The following SLC8A1 variants were observed in gnomAD, a reference collection of about 807,000 sequenced individuals.
The protein encoded by SLC8A1 is solute carrier family 8 member A1, also known as sodium/calcium exchanger 1.
SLC8A1 carries 18 observed loss-of-function variants against 68.3 expected under a neutral mutation model. The observed-to-expected ratio is 0.26, with a 90% CI of 0.18 to 0.39. The LOEUF (loss-of-function observed/expected upper bound fraction) is 0.39, where lower values mean the gene tolerates loss of function less well. Ranked by LOEUF, SLC8A1 falls within the 10% of genes least tolerant of loss-of-function variation. The pLI, the probability that SLC8A1 is intolerant of heterozygous loss-of-function variation, is 1.00. For missense variants in SLC8A1, 985 were observed against 1,156.7 expected, an observed-to-expected ratio of 0.85 and a Z score of 2.15; for synonymous variants, 475 against 415.5, an observed-to-expected ratio of 1.14 and a Z score of -1.74.
At chr2:40,138,565 G>A (rs1483954962) in intron 7 of SLC8A1, among the ~76,000 whole-genome samples, 3 of 152,138 alleles carry the variant, frequency 2.0e-5, no homozygotes, top group African/African-American at 4.8e-5. Context: ...GTTACAATAA[G>A]CTCTGGTGTG....
intron 1 of SLC8A1, among the ~76,000 whole-genome samples, chr2:40,440,730 T>C (rs1414587860): frequency 3.3e-5 from 5 of 152,084 alleles, no homozygotes; most frequent in African/African-American, 1.2e-4. Flanking sequence ...AAATTCAACA[T>C]CGCTTCATGT....
chr2:40,466,119 T>C (rs1703655689), intron 1 of SLC8A1, among the ~76,000 whole-genome samples: 1 of 152,126 alleles, frequency 6.6e-6, no homozygotes, highest in Admixed American at 6.5e-5. Context: ...TATTTTTTCA[T>C]AACAGCACAA....
chr2:40,398,859 C>G (rs2149641411), intron 2 of SLC8A1, among the ~76,000 whole-genome samples: 1 of 152,252 alleles, frequency 6.6e-6, no homozygotes, highest in East Asian at 1.9e-4. Context: ...GACACACTTC[C>G]CTTGGCCTAG....
In SLC8A1 at chr2:40,295,688, C is replaced by T. The variant is rs574813372; in HGVS notation, c.1809-117833G>A. ...ACACCTGTGAATCATGAAGTATTGA[C>T]GCTGGATTTTATTAACTCCTATATA... On this transcript the variant is annotated intron_variant, in intron 2 of 7. Transcript: ENST00000406785. Among the ~76,000 whole-genome samples the T allele has an allele frequency of 1.7e-3, 258 of 152,196 alleles. 2 individuals are homozygous for T. The highest frequency in any genetic ancestry group is 3.5e-3 in the Admixed American group (53 of 15,272).
At chr2:40,343,860 G>T (rs1668446816) in intron 2 of SLC8A1, among the ~76,000 whole-genome samples, 1 of 152,178 alleles carries the variant, frequency 6.6e-6, no homozygotes, top group African/African-American at 2.4e-5. Context: ...GATTGGATGA[G>T]TCTTACAAAT....
intron 6 of SLC8A1, among the ~76,000 whole-genome samples, chr2:40,150,445 T>A (rs915032497): frequency 5.9e-5 from 9 of 152,304 alleles, no homozygotes; most frequent in African/African-American, 2.2e-4. Flanking sequence ...GAAAACAGCA[T>A]ACAAAGGCTC....
At chr2:40,502,934 A>G (rs1225499386) in intron 1 of SLC8A1, among the ~76,000 whole-genome samples, 1 of 151,960 alleles carries the variant, frequency 6.6e-6, no homozygotes, top group Non-Finnish European at 1.5e-5. Context: ...TAAAAGCTCG[A>G]GCAATAGCAA....
intron 2 of SLC8A1, among the ~76,000 whole-genome samples, chr2:40,369,312 G>A (rs1042506343): frequency 3.3e-5 from 5 of 151,966 alleles, no homozygotes; most frequent in Admixed American, 2.0e-4. Context: ...CTTTCACCTC[G>A]TCATCATCTG....
intron 7 of SLC8A1, among the ~76,000 whole-genome samples, chr2:40,135,493 G>A (rs940404232): frequency 6.6e-6 from 1 of 151,948 alleles, no homozygotes; most frequent in Non-Finnish European, 1.5e-5. Flanking sequence ...GGTGGCAGGG[G>A]GATCACCTAA....
intron 2 of SLC8A1, chr2:40,251,591 C>G (rs2062758465): frequency 6.6e-6 from 1 of 152,090 alleles, no homozygotes; most frequent in African/African-American, 2.4e-5. Flanking sequence ...ATTAATAATA[C>G]TTTAACCCTT....
chr2:40,315,082 A>G (rs895118333), intron 2 of SLC8A1, among the ~76,000 whole-genome samples: 1 of 152,034 alleles, frequency 6.6e-6, no homozygotes, highest in Admixed American at 6.6e-5. Context: ...TTAGGAGAGA[A>G]GCATTCAGTC....
chr2:40,213,846 T>A (rs2057022415), intron 2 of SLC8A1, among the ~76,000 whole-genome samples: 1 of 152,204 alleles, frequency 6.6e-6, no homozygotes, highest in Non-Finnish European at 1.5e-5. Flanking sequence ...TCATCAAGCT[T>A]GCTTTGGGTG....
intron 1 of SLC8A1, among the ~76,000 whole-genome samples, chr2:40,435,916 T>C (rs1164329808): frequency 2.0e-5 from 3 of 151,524 alleles, no homozygotes; most frequent in South Asian, 2.1e-4. Context: ...GCTGGGATTA[T>C]AGGTGCCTGC....
At chr2:40,256,659 T>C (rs956342207) in intron 2 of SLC8A1, among the ~76,000 whole-genome samples, 1 of 152,150 alleles carries the variant, frequency 6.6e-6, no homozygotes, top group African/African-American at 2.4e-5. Context: ...ACCCAACCTT[T>C]CCTAATGCTA....
chr2:40,251,111 C>T (rs2062677740), intron 2 of SLC8A1: 1 of 151,932 alleles, frequency 6.6e-6, no homozygotes, highest in African/African-American at 2.4e-5. Context: ...TACTGGATTT[C>T]TGCAGGGGAT....
chr2:40,438,776 G>C (rs1576493600), intron 1 of SLC8A1, among the ~76,000 whole-genome samples: 1 of 152,118 alleles, frequency 6.6e-6, no homozygotes, highest in Non-Finnish European at 1.5e-5. Flanking sequence ...CCTATAATCA[G>C]ATACAGTTGA....
chr2:40,420,834 C>T (rs138604222), intron 2 of SLC8A1, among the ~76,000 whole-genome samples: 38 of 152,022 alleles, frequency 2.5e-4, no homozygotes, highest in Non-Finnish European at 1.9e-4. Context: ...AAGAAACAGC[C>T]CTGAATAAGA....
intron 2 of SLC8A1, among the ~76,000 whole-genome samples, chr2:40,375,918 T>G (rs878861718): frequency 1.3e-5 from 2 of 152,006 alleles, no homozygotes; most frequent in Admixed American, 1.3e-4. Flanking sequence ...GGAGAGTCGC[T>G]TGAGCTTAGG....
At chr2:40,470,772 T>C (rs1009342559) in intron 1 of SLC8A1, among the ~76,000 whole-genome samples, 2 of 152,068 alleles carry the variant, frequency 1.3e-5, no homozygotes, top group African/African-American at 2.4e-5. Flanking sequence ...CATTAAGACT[T>C]AATTTTTTCA....
Sources: gnomAD v4.1 joint callset for allele counts (sites outside exome capture counted in the v4.1 genomes callset) on GRCh38, gnomAD v4.1.1 for gene constraint, MANE v1.5 for transcripts, NCBI Gene and HGNC (gene_info 2026-07-23, HGNC 2026-07-21) for gene names.